MANEA: variants seen among roughly 807,000 people sequenced by gnomAD.
The protein encoded by MANEA is glycoprotein endo-alpha-1,2-mannosidase.
In MANEA, 25 loss-of-function variants were observed where a neutral mutation model predicts 36.8. That is an observed-to-expected ratio of 0.68 (90% confidence interval 0.50 to 0.95). The LOEUF (loss-of-function observed/expected upper bound fraction) is 0.95. Among genes scored for constraint, MANEA ranks in the 40% least tolerant of loss-of-function variants. The pLI, the probability that MANEA is intolerant of heterozygous loss-of-function variation, is 0.00. For missense variants in MANEA, 565 were observed against 558.8 expected (o/e 1.01, Z -0.11); for synonymous variants, 198 against 188.5 (o/e 1.05, Z -0.41).
chr6:95,589,342 A>G (rs1317938123), intron 2 of MANEA, among the ~76,000 whole-genome samples: 1 of 152,096 alleles, frequency 6.6e-6, no homozygotes, highest in Non-Finnish European at 1.5e-5. Flanking sequence ...CTACATATTT[A>G]ACATTCATAT....
At chr6:95,580,083 A>G (rs994852801) in intron 1 of MANEA, among the ~76,000 whole-genome samples, 6 of 152,122 alleles carry the variant, frequency 3.9e-5, no homozygotes, top group African/African-American at 1.4e-4. Flanking sequence ...AGCGTTGAAG[A>G]TGATTTTTTT....
intron 1 of MANEA, among the ~76,000 whole-genome samples, chr6:95,582,033 C>T (rs1477767677): frequency 6.6e-6 from 1 of 151,918 alleles, no homozygotes; most frequent in East Asian, 1.9e-4. Flanking sequence ...TGATATATTA[C>T]ATCCAAAATA....
At chr6:95,579,191 G>A (rs1769132750) in intron 1 of MANEA, among the ~76,000 whole-genome samples, 1 of 152,150 alleles carries the variant, frequency 6.6e-6, no homozygotes, top group Non-Finnish European at 1.5e-5. Flanking sequence ...CAACCAACAT[G>A]GTGAAACCCT....
intron 4 of MANEA, among the ~76,000 whole-genome samples, chr6:95,605,180 C>T (rs1359337889): frequency 6.6e-6 from 1 of 151,962 alleles, no homozygotes; most frequent in Admixed American, 6.6e-5. Flanking sequence ...TTTAAAATGA[C>T]ATTATTTTCT....
intron 2 of MANEA, chr6:95,588,253 T>TAC (rs1769324968): frequency 6.6e-6 from 1 of 152,084 alleles, no homozygotes; most frequent in East Asian, 1.9e-4. Flanking sequence ...TTTCCAGCTC[T>TAC]ACATAAAGGT....
At position 95,586,663 on chromosome 6, in the gene MANEA, A is replaced by C. The variant is rs1166011450; in HGVS notation, c.224A>C (p.Asn75Thr). 4 of 1,613,970 alleles carry C rather than the reference A, an allele frequency of 2.5e-6. No homozygotes were observed. The highest frequency in any genetic ancestry group is 3.4e-6 in the Non-Finnish European group (4 of 1,179,994). The change falls in exon 2 of 5, where the codon AAT becomes ACT. Residue 75 changes from asparagine (N) to threonine (T), a missense_variant. Physicochemically the swap from Asn to Thr is moderately conservative, Grantham distance 65. Coordinates refer to ENST00000358812, the MANE Select transcript of MANEA (RefSeq NM_024641.4). ...ATCAACAGTGAAACAAATACCAAGA[A>C]TTTAAAAAGTGTTGAAATCACTATG... ...DRINSETNTK[N>T]LKSVEITMKP...
chr6:95,586,930 G>A lies in MANEA; in HGVS notation c.491G>A (p.Arg164Gln), dbSNP rs372953752. Residue 164 changes from arginine to glutamine, a missense_variant, in exon 2 of 5, where the codon CGG becomes CAG. Arg to Gln is a conservative substitution (Grantham distance 43). Transcript: ENST00000358812. The part of the protein sequence containing the change: ...FYPELGSYSS[R>Q]DPSVIETHMR... ...CCTGAATTGGGAAGTTACAGTTCTC[G>A]GGATCCTTCTGTCATAGAAACTCAC... The A allele has an allele frequency of 4.8e-5, 77 of 1,612,666 alleles. No homozygotes were observed. In the South Asian group the frequency reaches 5.6e-4, roughly 12 times the overall value.
chr6:95,595,954 T>A (rs533224764), intron 2 of MANEA, among the ~76,000 whole-genome samples: 1 of 152,286 alleles, frequency 6.6e-6, no homozygotes, highest in East Asian at 1.9e-4. Context: ...GCAACCAAGA[T>A]GTCCTTCATT....
At position 95,606,525 on chromosome 6, in the gene MANEA, A is replaced by AT. The variant is rs1055335138; in HGVS notation, c.*127dup. ...TATACTATTAGTTATATTTAAAAAT[A>AT]TTTTTTTAAATTCTTTACAGATAAT... is the stretch of plus-strand genomic sequence containing the variant. On this transcript the variant is annotated 3_prime_UTR_variant, in exon 5 of 5. Transcript: ENST00000358812. 24 of 500,280 alleles carry AT rather than the reference A, an allele frequency of 4.8e-5. No individual in the cohort carries two copies. The highest frequency in any genetic ancestry group is 7.2e-5 in the South Asian group (1 of 13,956). The allele number at this position is 500,280 out of a possible 1,614,324, so 31.0% of individuals were successfully genotyped here. A position where few individuals can be genotyped will look rare whatever the true frequency, so the allele number is the denominator to read the frequency against.
intron 1 of MANEA, among the ~76,000 whole-genome samples, chr6:95,583,268 A>G (rs978566380): frequency 2.2e-4 from 33 of 152,232 alleles, no homozygotes; most frequent in East Asian, 1.4e-3. Context: ...GTCAGAAAAG[A>G]TTTAGTAATT....
At chr6:95,580,618 G>T (rs1056325324) in intron 1 of MANEA, among the ~76,000 whole-genome samples, 20 of 151,560 alleles carry the variant, frequency 1.3e-4, no homozygotes, top group Non-Finnish European at 7.4e-5. Context: ...CCAGCTACTC[G>T]GGAGGCTGAA....
chr6:95,580,556 T>C, intron 1 of MANEA, among the ~76,000 whole-genome samples: 1 of 151,608 alleles, frequency 6.6e-6, no homozygotes, highest in Non-Finnish European at 1.5e-5. Flanking sequence ...AAACCCCATC[T>C]CTACTAAAAA....
chr6:95,591,795 C>T (rs1769389955), intron 2 of MANEA, among the ~76,000 whole-genome samples: 1 of 152,138 alleles, frequency 6.6e-6, no homozygotes, highest in Non-Finnish European at 1.5e-5. Flanking sequence ...CCTCTGCCTC[C>T]TGGGTTCAAG....
At position 95,609,244 on chromosome 6, in the gene MANEA, G is replaced by T. The variant is rs1769776545; in HGVS notation, c.*2839G>T. On this transcript the variant is annotated 3_prime_UTR_variant, in exon 5 of 5. Transcript: ENST00000358812. The stretch of plus-strand genomic sequence containing the variant: ...TCTTTTATAAGTTATTAATTTTTAT[G>T]GTTTAATCAGTCTAATTGTTTTGAC... 6.6e-6 allele frequency: 1 copy of T among 151,392 alleles called. No homozygotes were observed. Among genetic ancestry groups the T allele is most frequent in the Admixed American group, 6.6e-5 (1 of 15,190 alleles). 9.4% of individuals were successfully genotyped at this position (151,392 alleles called of 1,614,324 possible).
At chr6:95,597,691 T>G (rs139389240) in intron 3 of MANEA, among the ~76,000 whole-genome samples, 234 of 152,106 alleles carry the variant, frequency 1.5e-3, no homozygotes, top group African/African-American at 5.3e-3. Context: ...AGAATAACTC[T>G]GAAATTTAAG....
intron 2 of MANEA, among the ~76,000 whole-genome samples, chr6:95,591,559 A>G (rs562499126): frequency 1.5e-5 from 2 of 137,398 alleles, no homozygotes; most frequent in South Asian, 2.5e-4. Flanking sequence ...TCTTTTTTCT[A>G]TTTTGTTTTT....
At chr6:95,599,259 A>AAAAT in intron 3 of MANEA, among the ~76,000 whole-genome samples, 1 of 152,078 alleles carries the variant, frequency 6.6e-6, no homozygotes, top group African/African-American at 2.4e-5. Flanking sequence ...ATCTTATTTC[A>AAAAT]AACACTATAT....
At chr6:95,605,558 A>G (rs1769690068) in intron 4 of MANEA, among the ~76,000 whole-genome samples, 190 bp from the exon 5 acceptor site, 1 of 152,168 alleles carries the variant, frequency 6.6e-6, no homozygotes, top group Admixed American at 6.5e-5. Flanking sequence ...TAATGCATCC[A>G]GTATCTCATT....
At chr6:95,583,355 A>G (rs1769217247) in intron 1 of MANEA, among the ~76,000 whole-genome samples, 1 of 152,030 alleles carries the variant, frequency 6.6e-6, no homozygotes, top group Non-Finnish European at 1.5e-5. Flanking sequence ...TTATATCTAA[A>G]TATATATGAC....
Sources: gnomAD v4.1 joint callset for allele counts (sites outside exome capture counted in the v4.1 genomes callset) on GRCh38, gnomAD v4.1.1 for gene constraint, MANE v1.5 for transcripts, NCBI Gene and HGNC (gene_info 2026-07-23, HGNC 2026-07-21) for gene names.